The following LIN7C variants were observed in gnomAD, a reference collection of about 807,000 sequenced individuals.
LIN7C encodes lin-7 cell polarity scaffold C.
LIN7C carries 17 observed loss-of-function variants against 24.7 expected under a neutral mutation model. The ratio of observed to expected loss-of-function variants is 0.69; its 90% CI spans 0.47 to 1.03. LIN7C has a LOEUF of 1.03. Ranked by LOEUF, LIN7C falls within the 50% of genes least tolerant of loss-of-function variation. The pLI is 0.00. For missense variants in LIN7C, 204 were observed against 239.0 expected (o/e 0.85, Z 0.97); for synonymous variants, 90 against 83.4 (o/e 1.08, Z -0.43).
rs1565115803 is a variant in LIN7C, at chr11:27,506,722, C to T, written c.31G>A (p.Glu11Lys). The change falls in exon 1 of 5, where the codon GAG (glutamate) becomes AAG (lysine). Residue 11 changes from glutamate to lysine, a missense_variant. This residue lies in a region of LIN7C where 126 missense variants were observed against 117.8 expected (regional missense o/e 1.07). Transcript: ENST00000278193. MAALGEPVRLERDICRAIELL... is the reference protein window; with the variant it reads MAALGEPVRLKRDICRAIELL... ...GAGCCTCGGCTGCACTCACCTCTCT[C>T]CAGCCGCACGGGTTCCCCTAGCGCC... The T allele has an allele frequency of 6.2e-7, 1 of 1,614,104 alleles. No individual in the cohort carries two copies. Among genetic ancestry groups the T allele is most frequent in the Non-Finnish European group, 8.5e-7 (1 of 1,180,012 alleles).
rs1422388083 is a variant in LIN7C at position 27,495,071 on chromosome 11, T to C, written c.*3578A>G. ...ATTTCTTCTATTAAATGCTATAATA[T>C]CCATTTTAATTGTAAACAAAGTACT... On this transcript the variant is annotated 3_prime_UTR_variant, in exon 5 of 5. Transcript: ENST00000278193. 1.3e-5 allele frequency: 2 copies of C among 152,640 alleles called. No individual in the cohort carries two copies. Among genetic ancestry groups the C allele is most frequent in the Non-Finnish European group, 2.9e-5 (2 of 68,048 alleles). 9.5% of individuals were successfully genotyped at this position (152,640 alleles called of 1,614,324 possible).
chr11:27,506,536 G>C (rs556811007), intron 1 of LIN7C, among the ~76,000 whole-genome samples, 180 bp downstream of exon 1: 1 of 152,318 alleles, frequency 6.6e-6, no homozygotes, highest in African/African-American at 2.4e-5. Flanking sequence ...ACGGTTAACA[G>C]ACAAAATACC....
intron 1 of LIN7C, among the ~76,000 whole-genome samples, chr11:27,503,641 G>A (rs1865246200): frequency 6.6e-6 from 1 of 152,054 alleles, no homozygotes; most frequent in Admixed American, 6.5e-5. Context: ...AGCCTCCTGA[G>A]TAGCTGGGAT....
At position 27,499,561 on chromosome 11, in the gene LIN7C, A is replaced by C. The variant is rs1348462478; in HGVS notation, c.236T>G (p.Val79Gly). The C allele has an allele frequency of 3.1e-6, 5 of 1,613,436 alleles. No individual in the cohort carries two copies. The highest frequency in any genetic ancestry group is 4.2e-6 in the Non-Finnish European group (5 of 1,179,830). Reference sequence around the variant, plus strand: ...TCCTTCACTGGCAGCAAATGCAGCAACAGTAGCCTGAAAGAAAGTTTTACA... The same window carrying C: ...TCCTTCACTGGCAGCAAATGCAGCACCAGTAGCCTGAAAGAAAGTTTTACA... ...VRANATAKAT[V>G]AAFAASEGHS... Residue 79 changes from valine (V) to glycine (G), a missense_variant, in exon 4 of 5, where the codon GTT (valine) becomes GGT (glycine). Val to Gly is a moderately radical substitution (Grantham distance 109). This residue lies in a region of LIN7C where 126 missense variants were observed against 117.8 expected (regional missense o/e 1.07). Coordinates refer to ENST00000278193, the MANE Select transcript of LIN7C (RefSeq NM_018362.4).
At chr11:27,499,113 T>C (rs1451971545) in intron 4 of LIN7C, among the ~76,000 whole-genome samples, 1 of 152,178 alleles carries the variant, frequency 6.6e-6, no homozygotes, top group Non-Finnish European at 1.5e-5. Flanking sequence ...GAGGGTAGAC[T>C]TCTAATTTAA....
chr11:27,499,301 A>G (rs1865198363), intron 4 of LIN7C, 58 bp downstream of exon 4: 2 of 1,427,758 alleles, frequency 1.4e-6, no homozygotes, highest in Admixed American at 1.8e-5. Flanking sequence ...TATTACTCAA[A>G]TACGCCCCCA....
At chr11:27,506,529 G>C (rs79286087) in intron 1 of LIN7C, among the ~76,000 whole-genome samples, 187 bp downstream of exon 1, 2 of 152,194 alleles carry the variant, frequency 1.3e-5, no homozygotes, top group Non-Finnish European at 2.9e-5. Flanking sequence ...AGGGCTTACG[G>C]TTAACAGACA....
At chr11:27,502,147 A>G (rs1865232127) in intron 1 of LIN7C, among the ~76,000 whole-genome samples, 1 of 152,236 alleles carries the variant, frequency 6.6e-6, no homozygotes, top group African/African-American at 2.4e-5. Flanking sequence ...AGTAGATAGG[A>G]AAAACTACTG....
Position 27,501,257 on chromosome 11 carries a change from A to G in LIN7C, c.228+238T>C, listed in dbSNP as rs542969798. ...CATGATACATATTGTATGCAAGTAC[A>G]TTTCTATTGCATTATCTAAACTGCA... is the stretch of plus-strand genomic sequence containing the variant. On this transcript the variant is annotated intron_variant, in intron 3 of 4. Transcript: ENST00000278193. Among the ~76,000 whole-genome samples, 15 of 152,286 alleles carry G rather than the reference A, an allele frequency of 9.8e-5. No homozygotes were observed. The East Asian group carries it at 2.7e-3, about 27-fold the overall frequency.
In LIN7C at chr11:27,506,614, G is replaced by A. The variant is rs1398086748; in HGVS notation, c.37+102C>T. 8.1e-6 allele frequency: 11 copies of A among 1,354,186 alleles called. No individual in the cohort carries two copies. The East Asian group carries it at 1.6e-4, about 20-fold the overall frequency. The allele number at this position is 1,354,186 out of a possible 1,614,324, so 83.9% of individuals were successfully genotyped here. On this transcript the variant is annotated intron_variant, in intron 1 of 4. Coordinates refer to ENST00000278193, the MANE Select transcript of LIN7C (RefSeq NM_018362.4). ...CTCTGGCGCCGGCACAAGGGACAGCGTGGCCCGGATCTCAGAGCCTGGGTC... is the reference window on the plus strand; with the variant it reads ...CTCTGGCGCCGGCACAAGGGACAGCATGGCCCGGATCTCAGAGCCTGGGTC...
intron 1 of LIN7C, among the ~76,000 whole-genome samples, chr11:27,504,599 A>G (rs1416964330): frequency 1.3e-5 from 2 of 152,226 alleles, no homozygotes; most frequent in East Asian, 3.8e-4. Context: ...TGTCTTGGTA[A>G]CAGTGGGGGA....
chr11:27,499,764 A>G (rs977520961), intron 3 of LIN7C, among the ~76,000 whole-genome samples, 196 bp from the exon 4 acceptor site: 6 of 151,842 alleles, frequency 4.0e-5, no homozygotes, highest in Non-Finnish European at 7.4e-5. Flanking sequence ...CTGAGACTAC[A>G]GGCGCCTGCC....
Position 27,499,344 on chromosome 11 carries a change from A to G in LIN7C, c.438+15T>C, listed in dbSNP as rs1202213136. On this transcript the variant is annotated intron_variant, in intron 4 of 4. Transcript: ENST00000278193. ...ACAACAGATCACTACAAATAGAAAT[A>G]AAATTCATCCTTACCACTCCATTAA... 1 of 1,609,164 alleles carries G rather than the reference A, an allele frequency of 6.2e-7. No individual in the cohort carries two copies. The highest frequency in any genetic ancestry group is 8.5e-7 in the Non-Finnish European group (1 of 1,175,786).
At position 27,497,032 on chromosome 11, in the gene LIN7C, A is replaced by G. The variant is rs1436409709; in HGVS notation, c.*1617T>C. On this transcript the variant is annotated 3_prime_UTR_variant, in exon 5 of 5. Transcript: ENST00000278193. ...CATCAATTAATTTTGAAAATTTACAATTTAACAACATGATCCTATCAATAA... is the reference window on the plus strand; with the variant it reads ...CATCAATTAATTTTGAAAATTTACAGTTTAACAACATGATCCTATCAATAA... 1 of 152,586 alleles carries G rather than the reference A, an allele frequency of 6.6e-6. No individual in the cohort carries two copies. The highest frequency in any genetic ancestry group is 1.5e-5 in the Non-Finnish European group (1 of 67,986). The allele number at this position is 152,586 out of a possible 1,614,324, so 9.5% of individuals were successfully genotyped here.
rs1387374979 is a variant in LIN7C at position 27,496,902 on chromosome 11, A to ATACCTCTC, written c.*1739_*1746dup. ...AATATTACTGTTTTTATATGCACCA[A>ATACCTCTC]TACCTCTCTTTAATATATAAAGCTC... On this transcript the variant is annotated 3_prime_UTR_variant, in exon 5 of 5. Transcript: ENST00000278193. 6.6e-6 allele frequency: 1 copy of ATACCTCTC among 152,580 alleles called. No individual in the cohort carries two copies. Among genetic ancestry groups the ATACCTCTC allele is most frequent in the Non-Finnish European group, 1.5e-5 (1 of 68,004 alleles). 9.5% of individuals were successfully genotyped at this position (152,580 alleles called of 1,614,324 possible).
Position 27,501,482 on chromosome 11 carries a change from C to CA in LIN7C, c.228+12dup. 2 of 1,563,406 alleles carry CA rather than the reference C, an allele frequency of 1.3e-6. No individual in the cohort carries two copies. Among genetic ancestry groups the CA allele is most frequent in the Non-Finnish European group, 1.7e-6 (2 of 1,151,076 alleles). Reference sequence around the variant, plus strand: ...ATGAAGAATTCTTACTTTTGGAAAACAAAAAAATTTACCTTTGCAGTAGCG... The same window carrying CA: ...ATGAAGAATTCTTACTTTTGGAAAACAAAAAAAATTTACCTTTGCAGTAGCG... On this transcript the variant is annotated intron_variant, in intron 3 of 4. Transcript: ENST00000278193.
chr11:27,501,849 C>T lies in LIN7C; in HGVS notation c.109G>A (p.Ala37Thr). The T allele has an allele frequency of 6.2e-7, 1 of 1,613,380 alleles. No homozygotes were observed. Among genetic ancestry groups the T allele is most frequent in the Admixed American group, 1.7e-5 (1 of 59,970 alleles). ...SGEVPPQKLQ[A>T]LQRVLQSEFC... is the part of the protein sequence containing the mutation. ...TCACTTTGAAGGACTCTTTGCAAAG[C>T]CTGAAGTTTCTGTGGTGGTACTTCT... The change falls in exon 2 of 5, where the codon GCT becomes ACT. Residue 37 changes from alanine to threonine, a missense_variant. Coordinates refer to ENST00000278193, the MANE Select transcript of LIN7C (RefSeq NM_018362.4).
In LIN7C at chr11:27,499,479, A is replaced by G. The variant is rs1331799327; in HGVS notation, c.318T>C (p.Asn106=). The part of the protein sequence containing the change: ...LPKTEEGLGF[N]IMGGKEQNSP... ...AGTTTTGTTCTTTGCCTCCCATAAT[A>G]TTGAATCCAAGGCCCTCTTCTGTTT... is the stretch of plus-strand genomic sequence containing the variant. The change falls in exon 4 of 5, where the codon AAT becomes AAC. Residue 106 remains asparagine (N), a synonymous_variant. Transcript: ENST00000278193. 5.6e-6 allele frequency: 9 copies of G among 1,614,020 alleles called. No homozygotes were observed. Among genetic ancestry groups the G allele is most frequent in the Non-Finnish European group, 7.6e-6 (9 of 1,180,020 alleles).
chr11:27,502,100 G>T (rs948144209), intron 1 of LIN7C, among the ~76,000 whole-genome samples, 180 bp from the exon 2 acceptor site: 1 of 152,198 alleles, frequency 6.6e-6, no homozygotes, highest in African/African-American at 2.4e-5. Flanking sequence ...CACACATGGA[G>T]GGTGAGAATG....
Sources: gnomAD v4.1 joint callset for allele counts (sites outside exome capture counted in the v4.1 genomes callset) on GRCh38, gnomAD v4.1.1 for gene constraint, gnomAD v4.1.1 regional missense constraint, MANE v1.5 for transcripts, NCBI Gene and HGNC (gene_info 2026-07-23, HGNC 2026-07-21) for gene names.